Variants in TMEM131 observed in about 807,000 individuals in gnomAD.
TMEM131 encodes the protein 2610524E03Rik.
In TMEM131, 66 loss-of-function variants were observed where a neutral mutation model predicts 211.6. That is an observed-to-expected ratio of 0.31 (90% CI 0.26 to 0.38). The LOEUF is 0.38. Among genes scored for constraint, TMEM131 ranks in the 10% least tolerant of loss-of-function variants. The probability of loss-of-function intolerance (pLI) is 1.00; values close to 1 mark genes in which losing one functional copy is unlikely to be tolerated. For missense variants in TMEM131, 2,036 were observed against 2,299.3 expected, an observed-to-expected ratio of 0.89 and a Z score of 2.34; for synonymous variants, 844 against 841.3, an observed-to-expected ratio of 1.00 and a Z score of -0.06.
intron 1 of TMEM131, among the ~76,000 whole-genome samples, chr2:97,942,430 C>T (rs1233484062): frequency 6.8e-6 from 1 of 148,144 alleles, no homozygotes; most frequent in Non-Finnish European, 1.5e-5. Flanking sequence ...ACATATGTAA[C>T]AAACCTGCAC....
chr2:97,795,378 T>A (rs530166578), intron 28 of TMEM131, among the ~76,000 whole-genome samples: 1 of 152,372 alleles, frequency 6.6e-6, no homozygotes, highest in South Asian at 2.1e-4. Context: ...AAAATGGTCC[T>A]GAGCTTCATG....
chr2:97,871,948 G>T (rs1198058769), intron 4 of TMEM131, among the ~76,000 whole-genome samples: 2 of 151,102 alleles, frequency 1.3e-5, no homozygotes, highest in East Asian at 3.9e-4. Context: ...GTCGGGGGGG[G>T]AGTGGAGAAT....
chr2:97,984,775 C>T (rs1679953562), intron 1 of TMEM131, among the ~76,000 whole-genome samples: 1 of 151,074 alleles, frequency 6.6e-6, no homozygotes, highest in Admixed American at 6.6e-5. Flanking sequence ...GGGATCATAT[C>T]GATATAATAG....
intron 2 of TMEM131, among the ~76,000 whole-genome samples, chr2:97,921,623 G>A (rs995292931): frequency 2.0e-5 from 3 of 152,152 alleles, no homozygotes; most frequent in Admixed American, 6.5e-5. Context: ...TCATGTAATG[G>A]AACTGATTTT....
At chr2:97,907,791 T>C (rs937325892) in intron 3 of TMEM131, among the ~76,000 whole-genome samples, 7 of 152,214 alleles carry the variant, frequency 4.6e-5, no homozygotes, top group Admixed American at 1.3e-4. Context: ...GAAAGCCCTA[T>C]TGACACCACT....
At chr2:97,833,328 A>G (rs1412450528) in intron 11 of TMEM131, 37 bp downstream of exon 11, 1 of 949,922 alleles carries the variant, frequency 1.1e-6, no homozygotes, top group Non-Finnish European at 1.6e-6. Flanking sequence ...AAAACAAAGA[A>G]TATATAAATT....
At chr2:97,913,898 T>C (rs1676395968) in intron 2 of TMEM131, among the ~76,000 whole-genome samples, 1 of 152,158 alleles carries the variant, frequency 6.6e-6, no homozygotes, top group Admixed American at 6.5e-5. Context: ...GGGATATACC[T>C]GGGAGCCAGT....
chr2:97,895,973 G>A (rs187919188), intron 3 of TMEM131, among the ~76,000 whole-genome samples: 1 of 152,238 alleles, frequency 6.6e-6, no homozygotes, highest in Non-Finnish European at 1.5e-5. Context: ...GTCGATTCTA[G>A]ATCTTTCCTG....
chr2:97,776,012 C>T lies in TMEM131; in HGVS notation c.4151G>A (p.Gly1384Glu), dbSNP rs1253695643. 1 of 1,604,972 alleles carries T rather than the reference C, an allele frequency of 6.2e-7. No individual in the cohort carries two copies. Among genetic ancestry groups the T allele is most frequent in the African/African-American group, 1.3e-5 (1 of 74,168 alleles). Residue 1384 changes from glycine (G) to glutamate (E), a missense_variant, in exon 32 of 41, where the codon GGA (glycine) becomes GAA (glutamate). Gly to Glu is a moderately conservative substitution (Grantham distance 98, BLOSUM62 -2). Transcript: ENST00000186436. ...TTTCACCTTGCGCTGAAGAGGTTTT[C>T]CTTTCCCTGAGGATAAAAATTAAAG... The part of the protein sequence containing the change: ...PSPLPKSKGK[G>E]KPLQRKVKPP...
At chr2:97,844,110 T>C (rs1228747221) in intron 6 of TMEM131, 35 bp downstream of exon 6, 1 of 604,914 alleles carries the variant, frequency 1.7e-6, no homozygotes, top group African/African-American at 1.9e-5. Context: ...GTAATGATTA[T>C]ATTGTATAAA....
chr2:97,986,725 C>T (rs1485533286), intron 1 of TMEM131, among the ~76,000 whole-genome samples: 1 of 152,222 alleles, frequency 6.6e-6, no homozygotes, highest in Non-Finnish European at 1.5e-5. Context: ...CTGACCACTA[C>T]TTCATTTCCC....
At chr2:97,850,481 C>T (rs547970780) in intron 5 of TMEM131, among the ~76,000 whole-genome samples, 1 of 152,186 alleles carries the variant, frequency 6.6e-6, no homozygotes. Context: ...GTTGAGACCA[C>T]CAGTGCCATC....
At chr2:97,892,592 G>A (rs1388619829) in intron 3 of TMEM131, among the ~76,000 whole-genome samples, 1 of 152,124 alleles carries the variant, frequency 6.6e-6, no homozygotes, top group Non-Finnish European at 1.5e-5. Flanking sequence ...CAAACTCCTA[G>A]TCTCAAGTGA....
chr2:97,883,179 C>T (rs1675006081), intron 4 of TMEM131, among the ~76,000 whole-genome samples: 1 of 152,152 alleles, frequency 6.6e-6, no homozygotes, highest in Non-Finnish European at 1.5e-5. Flanking sequence ...AGCTCCACCT[C>T]TGAACACAAT....
chr2:97,868,887 G>C (rs1674380133), intron 4 of TMEM131, among the ~76,000 whole-genome samples: 1 of 152,052 alleles, frequency 6.6e-6, no homozygotes, highest in Non-Finnish European at 1.5e-5. Context: ...TCCCAGGTGG[G>C]GTTACGACAC....
At chr2:97,954,832 A>ACC (rs1678491438) in intron 1 of TMEM131, among the ~76,000 whole-genome samples, 1 of 146,956 alleles carries the variant, frequency 6.8e-6, no homozygotes, top group Non-Finnish European at 1.5e-5. Flanking sequence ...AAAAAAAACT[A>ACC]AAAAAGAGAA....
chr2:97,912,283 C>T (rs1676321513), intron 2 of TMEM131, among the ~76,000 whole-genome samples: 1 of 152,094 alleles, frequency 6.6e-6, no homozygotes, highest in African/African-American at 2.4e-5. Context: ...GAAGACAATT[C>T]ACTAAAGAAA....
intron 2 of TMEM131, among the ~76,000 whole-genome samples, chr2:97,924,482 C>T (rs1361022461): frequency 1.3e-5 from 2 of 152,136 alleles, no homozygotes; most frequent in African/African-American, 2.4e-5. Context: ...GTCCACTGGC[C>T]CTGTGGGGAC....
chr2:97,958,740 T>C (rs1351632994), intron 1 of TMEM131, among the ~76,000 whole-genome samples: 9 of 152,202 alleles, frequency 5.9e-5, no homozygotes. Context: ...CAATGAGCTA[T>C]GCAAGGAAAA....
Sources: allele counts gnomAD v4.1 joint callset (sites outside exome capture counted in the v4.1 genomes callset), GRCh38; gene constraint gnomAD v4.1.1; transcripts MANE v1.5; gene names NCBI Gene and HGNC (gene_info 2026-07-23, HGNC 2026-07-21).